Variants in TENM2 observed in about 807,000 individuals in gnomAD.
TENM2 encodes the protein teneurin transmembrane protein 2.
A neutral mutation model predicts 245.2 loss-of-function variants in TENM2; 52 were observed. The observed-to-expected ratio is 0.21, with a 90% confidence interval of 0.17 to 0.27. The LOEUF is 0.27. Among genes scored for constraint, TENM2 ranks in the 10% least tolerant of loss-of-function variants. TENM2 has a pLI of 1.00. For missense variants in TENM2, 3,046 were observed against 3,666.8 expected, an observed-to-expected ratio of 0.83 and a Z score of 4.37; for synonymous variants, 1,363 against 1,438.9, an observed-to-expected ratio of 0.95 and a Z score of 1.19.
chr5:168,162,116 A>G (rs1017041933), intron 12 of TENM2, among the ~76,000 whole-genome samples: 2 of 152,338 alleles, frequency 1.3e-5, no homozygotes, highest in African/African-American at 4.8e-5. Flanking sequence ...TTCAGTCATG[A>G]GAAGCTCATG....
the TENM2 span, among the ~76,000 whole-genome samples, chr5:167,162,485 G>T: frequency 6.6e-6 from 1 of 151,870 alleles, no homozygotes; most frequent in Non-Finnish European, 1.5e-5. Context: ...AAATTTAGCT[G>T]GGTGTGGAGG....
At chr5:167,031,760 T>G in the TENM2 span, among the ~76,000 whole-genome samples, 1 of 152,152 alleles carries the variant, frequency 6.6e-6, no homozygotes, top group Non-Finnish European at 1.5e-5. Flanking sequence ...AGACGGGGTT[T>G]CTCCATATCA....
chr5:167,585,554 T>C (rs1775428932), intron 2 of TENM2, among the ~76,000 whole-genome samples: 1 of 152,218 alleles, frequency 6.6e-6, no homozygotes, highest in Non-Finnish European at 1.5e-5. Flanking sequence ...TATGTGAGGA[T>C]ATTGTACTCC....
intron 1 of TENM2, among the ~76,000 whole-genome samples, chr5:167,366,919 C>A (rs920472784): frequency 6.6e-6 from 1 of 152,098 alleles, no homozygotes; most frequent in East Asian, 1.9e-4. Context: ...TTTTTAATTT[C>A]GTTGGAATTT....
At chr5:167,914,828 G>A (rs560335709) in intron 3 of TENM2, among the ~76,000 whole-genome samples, 1 of 152,174 alleles carries the variant, frequency 6.6e-6, no homozygotes, top group South Asian at 2.1e-4. Flanking sequence ...GTGGTCACAC[G>A]GTGCTCTCCC....
chr5:167,875,179 A>T (rs904538362), intron 2 of TENM2, among the ~76,000 whole-genome samples: 2 of 152,206 alleles, frequency 1.3e-5, no homozygotes, highest in Admixed American at 1.3e-4. Flanking sequence ...TAGAGCAGGC[A>T]GATGGGCAAA....
At chr5:167,414,380 A>G (rs1289770426) in intron 2 of TENM2, among the ~76,000 whole-genome samples, 2 of 152,276 alleles carry the variant, frequency 1.3e-5, no homozygotes, top group Middle Eastern at 3.4e-3. Flanking sequence ...CTGTAGAAGG[A>G]TCTTTAAAAA....
chr5:167,465,183 A>G (rs1021417121), intron 2 of TENM2, among the ~76,000 whole-genome samples: 7 of 152,238 alleles, frequency 4.6e-5, no homozygotes, highest in Admixed American at 1.3e-4. Context: ...GTGCTAATGC[A>G]TAGCCAGAAC....
chr5:167,181,220 C>G, the TENM2 span, among the ~76,000 whole-genome samples: 132 of 152,100 alleles, frequency 8.7e-4, 1 homozygote, highest in African/African-American at 3.0e-3. Flanking sequence ...AAAATGCTGA[C>G]CTGGTTGGCC....
the TENM2 span, among the ~76,000 whole-genome samples, chr5:167,012,976 G>C: frequency 1.3e-5 from 2 of 152,142 alleles, no homozygotes; most frequent in Non-Finnish European, 2.9e-5. Context: ...TAATTGGAGT[G>C]CAAAAAGTAA....
chr5:167,259,114 T>C, the TENM2 span, among the ~76,000 whole-genome samples: 1 of 152,180 alleles, frequency 6.6e-6, no homozygotes, highest in South Asian at 2.1e-4. Flanking sequence ...GTAATGCTGG[T>C]ACTACTGGCT....
At chr5:167,293,028 G>A (rs1169980863) in intron 1 of TENM2, among the ~76,000 whole-genome samples, 4 of 152,234 alleles carry the variant, frequency 2.6e-5, no homozygotes. Flanking sequence ...GGCAGAGAGA[G>A]ACAGTCATGA....
chr5:167,704,928 T>A (rs551924581), intron 2 of TENM2, among the ~76,000 whole-genome samples: 1 of 152,306 alleles, frequency 6.6e-6, no homozygotes. Flanking sequence ...TAGAGGTAGA[T>A]GGAGCTGGAG....
chr5:168,228,089 C>A lies in TENM2; in HGVS notation c.5479C>A (p.Gln1827Lys), dbSNP rs951303882. The change falls in exon 25 of 29, where the codon CAG becomes AAG. Residue 1827 changes from glutamine to lysine, a missense_variant. Gln to Lys is a moderately conservative substitution (Grantham distance 53). Around this residue, in one of 2 missense-constraint regions of TENM2, gnomAD observed 2,704 missense variants for 3,331.9 expected, o/e 0.81. Transcript: ENST00000518659. ...CATTGAGTGGCGCCTAAGAAAGGAA[C>A]AGATTAAAGGCAAAGTCACCATCTT... 3 of 1,613,792 alleles carry A rather than the reference C, an allele frequency of 1.9e-6. No individual in the cohort carries two copies. In the South Asian group the frequency reaches 3.3e-5, roughly 18 times the overall value.
chr5:167,719,700 A>C lies in TENM2; in HGVS notation c.503-156286A>C, dbSNP rs534135489. The stretch of plus-strand genomic sequence containing the variant: ...CAGAACTGAGCAGATCCTCCAGAAC[A>C]GTGGTTCTCAACCAGTGGCGATTTT... On this transcript the variant is annotated intron_variant, in intron 2 of 28. Coordinates refer to ENST00000518659, the Ensembl canonical transcript of TENM2. Among the ~76,000 whole-genome samples, 9 of 152,358 alleles carry C rather than the reference A, an allele frequency of 5.9e-5. No individual in the cohort carries two copies. In the South Asian group the frequency reaches 1.9e-3, roughly 32 times the overall value.
chr5:167,515,623 A>G (rs951430156), intron 2 of TENM2, among the ~76,000 whole-genome samples: 17 of 144,140 alleles, frequency 1.2e-4, no homozygotes, highest in Non-Finnish European at 2.4e-4. Flanking sequence ...ATATATACAT[A>G]TATATACATA....
intron 2 of TENM2, among the ~76,000 whole-genome samples, chr5:167,445,371 T>G (rs13165124): frequency 1.2e-5 from 1 of 81,640 alleles, no homozygotes. Context: ...AGAGAGAGAG[T>G]GTCAGGTGTT....
intron 4 of TENM2, among the ~76,000 whole-genome samples, chr5:167,989,202 T>A (rs1382221191): frequency 1.3e-5 from 2 of 151,804 alleles, no homozygotes; most frequent in Non-Finnish European, 2.9e-5. Context: ...AGGATATAAC[T>A]GTATCATGGG....
chr5:167,676,043 C>T (rs1756304005), intron 2 of TENM2, among the ~76,000 whole-genome samples: 1 of 152,004 alleles, frequency 6.6e-6, no homozygotes, highest in Non-Finnish European at 1.5e-5. Flanking sequence ...CTCTCAAGCC[C>T]ATTCAAGGAG....
Sources: allele counts gnomAD v4.1 joint callset (sites outside exome capture counted in the v4.1 genomes callset), GRCh38; gene constraint gnomAD v4.1.1; regional missense constraint gnomAD v4.1.1; transcripts MANE v1.5; gene names NCBI Gene and HGNC (gene_info 2026-07-23, HGNC 2026-07-21).